Variants in TENM2 observed in about 807,000 individuals in gnomAD.
TENM2 encodes the protein teneurin-2.
Under a neutral mutation model 245.2 loss-of-function variants are expected in TENM2, and 52 were observed. The observed-to-expected ratio is 0.21, with a 90% CI of 0.17 to 0.27. The LOEUF is 0.27. Ranked by LOEUF, TENM2 falls within the 10% of genes least tolerant of loss-of-function variation. TENM2 has a pLI of 1.00. For missense variants in TENM2, 3,046 were observed against 3,666.8 expected (o/e 0.83, Z 4.37); for synonymous variants, 1,363 against 1,438.9 (o/e 0.95, Z 1.19).
At chr5:167,892,213 C>T (rs1774815933) in intron 3 of TENM2, among the ~76,000 whole-genome samples, 1 of 152,132 alleles carries the variant, frequency 6.6e-6, no homozygotes, top group African/African-American at 2.4e-5. Flanking sequence ...GAAAATTAAA[C>T]TTGAAAAAAT....
upstream of TENM2, among the ~76,000 whole-genome samples, chr5:167,281,540 A>G (rs1329259667): frequency 8.5e-5 from 13 of 152,140 alleles, no homozygotes. Flanking sequence ...TTTTTATCTC[A>G]TTATATATAA....
At chr5:168,112,289 T>C (rs1213532921) in intron 9 of TENM2, among the ~76,000 whole-genome samples, 3 of 152,018 alleles carry the variant, frequency 2.0e-5, no homozygotes, top group Non-Finnish European at 2.9e-5. Flanking sequence ...ACTTGTGTCA[T>C]GGGGGGTTGT....
chr5:167,616,290 A>G (rs1212892898), intron 2 of TENM2, among the ~76,000 whole-genome samples: 1 of 152,164 alleles, frequency 6.6e-6, no homozygotes, highest in African/African-American at 2.4e-5. Context: ...GTAAAAATGT[A>G]ACAGGAAATA....
chr5:167,988,612 TATG>T (rs1473767837), intron 4 of TENM2, among the ~76,000 whole-genome samples: 1 of 152,074 alleles, frequency 6.6e-6, no homozygotes, highest in Non-Finnish European at 1.5e-5. Flanking sequence ...GAAGATGTGA[TATG>T]ATGGGCAATA....
At chr5:167,596,819 G>T (rs1776251103) in intron 2 of TENM2, among the ~76,000 whole-genome samples, 1 of 150,312 alleles carries the variant, frequency 6.7e-6, no homozygotes, top group South Asian at 2.1e-4. Context: ...AAGAAGAAAA[G>T]AAAAAAATGC....
At chr5:167,328,488 G>A (rs543021660) in intron 1 of TENM2, among the ~76,000 whole-genome samples, 1 of 152,234 alleles carries the variant, frequency 6.6e-6, no homozygotes, top group South Asian at 2.1e-4. Flanking sequence ...ACCACACCCA[G>A]CCAGTTTCCC....
intron 3 of TENM2, among the ~76,000 whole-genome samples, chr5:167,889,057 A>C (rs1774522244): frequency 6.6e-6 from 1 of 152,186 alleles, no homozygotes; most frequent in African/African-American, 2.4e-5. Context: ...CTCCAAAGGC[A>C]GACTTCACAT....
chr5:168,248,347 C>G, exon 27 of TENM2: 1 of 1,613,188 alleles, frequency 6.2e-7, no homozygotes, highest in Non-Finnish European at 8.5e-7. Flanking sequence ...CAGCAGTGAG[C>G]TAGATTTGAA....
chr5:167,785,445 G>A (rs1181894387), intron 2 of TENM2, among the ~76,000 whole-genome samples: 1 of 152,166 alleles, frequency 6.6e-6, no homozygotes, highest in East Asian at 1.9e-4. Flanking sequence ...GACCTAGAGA[G>A]TAGCTAACAC....
the TENM2 span, among the ~76,000 whole-genome samples, chr5:167,028,646 AT>A: frequency 2.2e-4 from 33 of 152,254 alleles, no homozygotes; most frequent in African/African-American, 7.9e-4. Flanking sequence ...TATGTAAATG[AT>A]ATTAATATAT....
Position 168,244,532 on chromosome 5 carries a change from G to T in TENM2, c.5633G>T (p.Arg1878Leu). The change falls in exon 26 of 29, where the codon CGC becomes CTC. Residue 1878 changes from arginine (R) to leucine (L), a missense_variant. By Grantham distance (102) the Arg-to-Leu change is moderately radical. This residue lies in a region of TENM2 where 2,704 missense variants were observed against 3,331.9 expected (regional missense o/e 0.81). Coordinates refer to ENST00000518659, the Ensembl canonical transcript of TENM2. This position sits in a 1 kb window ranked among gnomAD's most constrained non-coding sequence, Gnocchi z 4.9. ...AGGATCATTTATGACCAGGTGGGCC[G>T]CCCCTTCCTCTGGCTGCCCAGCAGC... The T allele has an allele frequency of 6.2e-7, 1 of 1,612,086 alleles. No homozygotes were observed. Among genetic ancestry groups the T allele is most frequent in the South Asian group, 1.1e-5 (1 of 90,642 alleles).
At chr5:167,420,701 T>C (rs1454691345) in intron 2 of TENM2, among the ~76,000 whole-genome samples, 2 of 152,216 alleles carry the variant, frequency 1.3e-5, no homozygotes, top group African/African-American at 4.8e-5. Flanking sequence ...TTCCCATCCC[T>C]GTTTTATCAT....
chr5:166,986,940 A>AT, the TENM2 span, among the ~76,000 whole-genome samples: 1 of 152,136 alleles, frequency 6.6e-6, no homozygotes, highest in South Asian at 2.1e-4. Context: ...GTTGTAATGT[A>AT]TATTTTAAAA....
chr5:168,176,768 AT>A (rs1759398868), intron 13 of TENM2, among the ~76,000 whole-genome samples: 1 of 152,214 alleles, frequency 6.6e-6, no homozygotes, highest in South Asian at 2.1e-4. Context: ...AGTGTTTGGG[AT>A]CAGAAGCAAT....
intron 2 of TENM2, among the ~76,000 whole-genome samples, chr5:167,692,979 C>T (rs1439282701): frequency 1.3e-5 from 2 of 152,086 alleles, no homozygotes; most frequent in African/African-American, 2.4e-5. Context: ...ACTGAGAGCC[C>T]GAGCTTTAGA....
chr5:167,582,414 T>C (rs1775154498), intron 2 of TENM2, among the ~76,000 whole-genome samples: 1 of 152,222 alleles, frequency 6.6e-6, no homozygotes, highest in South Asian at 2.1e-4. Flanking sequence ...TATAATCACC[T>C]ATCCTATGTG....
chr5:167,543,868 T>G (rs1328626915), intron 2 of TENM2, among the ~76,000 whole-genome samples: 1 of 152,228 alleles, frequency 6.6e-6, no homozygotes, highest in East Asian at 1.9e-4. Context: ...ATTCTCTTCC[T>G]GTGTCTTAAC....
the TENM2 span, among the ~76,000 whole-genome samples, chr5:166,988,666 C>A: frequency 6.6e-6 from 1 of 152,212 alleles, no homozygotes; most frequent in Non-Finnish European, 1.5e-5. Context: ...ATAACAGAGT[C>A]ACCAAAATAA....
intron 2 of TENM2, among the ~76,000 whole-genome samples, chr5:167,790,714 A>C (rs2150892612): frequency 6.6e-6 from 1 of 152,286 alleles, no homozygotes; most frequent in South Asian, 2.1e-4. Flanking sequence ...TTGTGGAAAG[A>C]GGAGGCGCTC....
Sources: gnomAD v4.1 joint callset for allele counts (sites outside exome capture counted in the v4.1 genomes callset) on GRCh38, gnomAD v4.1.1 for gene constraint, gnomAD v4.1.1 regional missense constraint, Gnocchi (gnomAD v3.1) non-coding constraint, MANE v1.5 for transcripts, NCBI Gene and HGNC (gene_info 2026-07-23, HGNC 2026-07-21) for gene names.